The following ADCY10 variants were observed in gnomAD, a reference collection of about 807,000 sequenced individuals.
The protein encoded by ADCY10 is adenylate cyclase type 10.
Under a neutral mutation model 183.3 loss-of-function variants are expected in ADCY10, and 156 were observed. That is an observed-to-expected ratio of 0.85 (90% CI 0.75 to 0.97). The LOEUF is 0.97. ADCY10 is among the 50% of genes least tolerant of loss of function. The pLI, the probability that ADCY10 is intolerant of heterozygous loss-of-function variation, is 0.00. For synonymous variants in ADCY10, 645 were observed against 670.0 expected (o/e 0.96, Z 0.58); for missense variants, 1,745 against 1,934.3 (o/e 0.90, Z 1.84).
chr1:167,825,737 C>A (rs1216452752), intron 26 of ADCY10, among the ~76,000 whole-genome samples: 1 of 152,150 alleles, frequency 6.6e-6, no homozygotes, highest in Non-Finnish European at 1.5e-5. Flanking sequence ...TGCAGTGAGC[C>A]ATGATCACGC....
At chr1:167,852,557 T>C (rs1665579560) in intron 18 of ADCY10, among the ~76,000 whole-genome samples, 2 of 152,200 alleles carry the variant, frequency 1.3e-5, no homozygotes, top group Admixed American at 1.3e-4. Context: ...TATATTTACA[T>C]ATCGCTTTCC....
rs753722989 is a variant in ADCY10 at position 167,856,248 on chromosome 1, G to T, written c.2088C>A (p.Val696=). 13 of 1,613,838 alleles carry T rather than the reference G, an allele frequency of 8.1e-6. No individual in the cohort carries two copies. The highest frequency in any genetic ancestry group is 1.0e-5 in the Non-Finnish European group (12 of 1,179,798). ...TGTCGTTAGGCTGTACTGCACCAAT[G>T]ACAATGTAGGTGGTGTTCCTGTTCT... ...VIKNRNTTYI[V]IGAVQPNDIS... is the part of the protein sequence containing the mutation. The change falls in exon 17 of 33, where the codon GTC becomes GTA. Residue 696 remains valine, a synonymous_variant. Coordinates refer to ENST00000367851, the MANE Select transcript of ADCY10 (RefSeq NM_018417.6).
intron 21 of ADCY10, among the ~76,000 whole-genome samples, chr1:167,840,367 A>ATTTTTTT (rs546653110): frequency 0.61 from 89,506 of 147,118 alleles, 27,558 homozygotes; most frequent in Admixed American, 0.68. Context: ...TATTATTACT[A>ATTTTTTT]TTTTTTTTGG....
intron 14 of ADCY10, among the ~76,000 whole-genome samples, chr1:167,865,363 A>G (rs926243263): frequency 2.0e-5 from 3 of 152,224 alleles, no homozygotes; most frequent in Non-Finnish European, 4.4e-5. Flanking sequence ...TGAACTGGAC[A>G]TTAAAGTAAA....
intron 21 of ADCY10, 74 bp downstream of exon 21, chr1:167,845,489 A>G: frequency 6.6e-7 from 1 of 1,515,100 alleles, no homozygotes; most frequent in Non-Finnish European, 9.1e-7. Context: ...CAAGATCCAC[A>G]CCCACTCCTT....
chr1:167,874,185 G>T (rs1667291473), intron 13 of ADCY10, among the ~76,000 whole-genome samples: 1 of 152,068 alleles, frequency 6.6e-6, no homozygotes, highest in South Asian at 2.1e-4. Flanking sequence ...ATAAAAATTA[G>T]CTGGGCATGG....
At chr1:167,879,484 T>G (rs1234448495) in intron 11 of ADCY10, among the ~76,000 whole-genome samples, 1 of 152,138 alleles carries the variant, frequency 6.6e-6, no homozygotes, top group Admixed American at 6.6e-5. Context: ...AATTTCCATA[T>G]ACCCATCACC....
At position 167,912,574 on chromosome 1, in the gene ADCY10, T is replaced by A. The variant is rs1670219112; in HGVS notation, c.-59+1402A>T. ...ATCAGACACTGCCTCCTCCAGCGTC[T>A]GTAATATATACCTAGCTGACGTCCA... On this transcript the variant is annotated intron_variant, in intron 1 of 32. Transcript: ENST00000367851. 2.6e-5 allele frequency among the ~76,000 whole-genome samples: 4 copies of A among 152,370 alleles called. No individual in the cohort carries two copies. The South Asian group carries it at 8.3e-4, about 32-fold the overall frequency.
chr1:167,893,337 G>A (rs1173964843), intron 8 of ADCY10, among the ~76,000 whole-genome samples: 1 of 152,164 alleles, frequency 6.6e-6, no homozygotes, highest in Non-Finnish European at 1.5e-5. Context: ...TATGCCTGTT[G>A]TCATATTATA....
At chr1:167,868,515 A>G (rs941916081) in intron 14 of ADCY10, among the ~76,000 whole-genome samples, 63 of 152,302 alleles carry the variant, frequency 4.1e-4, no homozygotes, top group African/African-American at 1.5e-3. Context: ...GTAAATTTCC[A>G]AAGTTGCAGA....
intron 13 of ADCY10, among the ~76,000 whole-genome samples, chr1:167,871,540 G>A (rs1349211398): frequency 2.0e-5 from 3 of 152,212 alleles, no homozygotes; most frequent in African/African-American, 4.8e-5. Context: ...TGTAAGAATT[G>A]TAATTTCTAA....
chr1:167,861,191 C>A (rs1274377228), intron 14 of ADCY10, 128 bp from the exon 15 acceptor site: 1 of 802,742 alleles, frequency 1.2e-6, no homozygotes, highest in Non-Finnish European at 2.1e-6. Flanking sequence ...CAAGCTATCT[C>A]GCAATGGTTC....
intron 31 of ADCY10, among the ~76,000 whole-genome samples, chr1:167,813,154 C>T (rs1662323501): frequency 6.6e-6 from 1 of 152,112 alleles, no homozygotes; most frequent in Non-Finnish European, 1.5e-5. Flanking sequence ...ATCCAAGAAG[C>T]TCAACAAACT....
intron 26 of ADCY10, among the ~76,000 whole-genome samples, 176 bp downstream of exon 26, chr1:167,829,091 G>A (rs1174889708): frequency 1.3e-5 from 2 of 152,180 alleles, no homozygotes; most frequent in African/African-American, 4.8e-5. Context: ...TTTTAAGAGT[G>A]TGAAGTGATC....
At chr1:167,847,567 C>A (rs750437938) in intron 19 of ADCY10, among the ~76,000 whole-genome samples, 3 of 152,044 alleles carry the variant, frequency 2.0e-5, no homozygotes, top group Admixed American at 2.0e-4. Flanking sequence ...ATGCATGCGC[C>A]ACCATGCCCG....
chr1:167,822,177 G>C (rs1558148031), intron 29 of ADCY10, 36 bp from the exon 30 acceptor site: 2 of 1,294,714 alleles, frequency 1.5e-6, no homozygotes, highest in Non-Finnish European at 2.3e-6. Flanking sequence ...GTTATTAGTA[G>C]GTGTGGGTGA....
intron 31 of ADCY10, 22 bp downstream of exon 31, chr1:167,818,050 G>A: frequency 6.2e-7 from 1 of 1,609,888 alleles, no homozygotes; most frequent in East Asian, 2.2e-5. Flanking sequence ...TTTTATACTG[G>A]AAACTGGAGA....
intron 13 of ADCY10, among the ~76,000 whole-genome samples, chr1:167,872,069 C>A (rs938769282): frequency 6.6e-6 from 1 of 152,014 alleles, no homozygotes; most frequent in African/African-American, 2.4e-5. Context: ...AGGCTGGGAG[C>A]GGTGGCTCAC....
At chr1:167,908,789 G>GA (rs1192545342) in intron 1 of ADCY10, among the ~76,000 whole-genome samples, 1 of 152,106 alleles carries the variant, frequency 6.6e-6, no homozygotes, top group Non-Finnish European at 1.5e-5. Flanking sequence ...CCAAAATAAT[G>GA]AAATTTCAAA....
Sources: gnomAD v4.1 joint callset for allele counts (sites outside exome capture counted in the v4.1 genomes callset) on GRCh38, gnomAD v4.1.1 for gene constraint, MANE v1.5 for transcripts, NCBI Gene and HGNC (gene_info 2026-07-23, HGNC 2026-07-21) for gene names.